Variants in NEB observed in about 807,000 individuals in gnomAD.
The protein encoded by NEB is nemaline myopathy type 2.
NEB carries 512 observed loss-of-function variants against 952.2 expected under a neutral mutation model. The ratio of observed to expected loss-of-function variants is 0.54; its 90% CI spans 0.50 to 0.58. NEB has a LOEUF of 0.58. NEB is among the 20% of genes least tolerant of loss of function. NEB has a pLI of 0.00. For missense variants in NEB, 8,428 were observed against 9,231.1 expected, an observed-to-expected ratio of 0.91 and a Z score of 3.56; for synonymous variants, 2,900 against 3,149.8, an observed-to-expected ratio of 0.92 and a Z score of 2.66.
intron 133 of NEB, 79 bp downstream of exon 133, chr2:151,547,350 C>A: frequency 9.0e-7 from 1 of 1,110,238 alleles, no homozygotes; most frequent in Non-Finnish European, 1.3e-6. Flanking sequence ...TGTTCAAAGA[C>A]CACTGGTTGT....
chr2:151,655,516 C>T (rs1575268574), intron 50 of NEB, 142 bp from the exon 51 acceptor site: 1 of 507,612 alleles, frequency 2.0e-6, no homozygotes, highest in Admixed American at 3.7e-5. Context: ...TCAGAAAAGA[C>T]CCTAAAAACA....
intron 13 of NEB, among the ~76,000 whole-genome samples, chr2:151,706,337 A>ATCTC (rs559330245): frequency 1.3e-5 from 2 of 149,998 alleles, no homozygotes; most frequent in African/African-American, 2.4e-5. Flanking sequence ...CACATATTCA[A>ATCTC]TCTCTCTCTC....
Position 151,724,937 on chromosome 2 carries a change from C to T in NEB, c.427G>A (p.Val143Ile). The change falls in exon 7 of 182, where the codon GTT becomes ATT. Residue 143 changes from valine to isoleucine, a missense_variant. Transcript: ENST00000397345. Reference protein sequence around the residue: ...SEVKYRMDGDVAKTICHVDEK... With the variant: ...SEVKYRMDGDIAKTICHVDEK... ...TCTACGTGACATATAGTCTTAGCAA[C>T]ATCACCATCCATTCGATACTTAACC... is the stretch of plus-strand genomic sequence containing the variant. The T allele has an allele frequency of 1.2e-6, 2 of 1,613,788 alleles. No homozygotes were observed. Among genetic ancestry groups the T allele is most frequent in the Non-Finnish European group, 8.5e-7 (1 of 1,179,796 alleles).
rs2099190491 is a variant in NEB, at chr2:151,664,753, A to G, written c.5343+6T>C. ...CCCCAGCTTTTGCTGTTGTTAACCT[A>G]CTTACATCACTCATGGTGATTTGGT... On this transcript the variant is annotated splice_donor_region_variant and intron_variant, in intron 43 of 181. Transcript: ENST00000397345. 2 of 1,599,728 alleles carry G rather than the reference A, an allele frequency of 1.3e-6. No homozygotes were observed. The highest frequency in any genetic ancestry group is 1.7e-5 in the Admixed American group (1 of 59,374).
chr2:151,542,525 G>T (rs919621096), intron 135 of NEB, among the ~76,000 whole-genome samples: 1 of 152,034 alleles, frequency 6.6e-6, no homozygotes, highest in Non-Finnish European at 1.5e-5. Flanking sequence ...TAAATGACTT[G>T]TTGATATCCC....
At chr2:151,682,924 T>C (rs754642401) in intron 28 of NEB, among the ~76,000 whole-genome samples, 155 bp from the exon 29 acceptor site, 32 of 152,332 alleles carry the variant, frequency 2.1e-4, no homozygotes, top group Non-Finnish European at 4.4e-5. Context: ...TGGTGAGATA[T>C]AGTAACAGCT....
rs1578612901 is a variant in NEB at position 151,591,199 on chromosome 2, TG to T, written c.14934+148del. ...CATAGATGCAAAAGGATCCTCAGAT[TG>T]TAAGAGTTGTTCTTGAATTTAGGAT... On this transcript the variant is annotated intron_variant, in intron 96 of 181. Transcript: ENST00000397345. The T allele has an allele frequency of 2.8e-5, 18 of 632,708 alleles. No homozygotes were observed. The East Asian group carries it at 4.7e-4, about 16-fold the overall frequency. 39.2% of individuals were successfully genotyped at this position (632,708 alleles called of 1,614,324 possible). A position where few individuals can be genotyped will look rare whatever the true frequency, so the allele number is the denominator to read the frequency against.
At chr2:151,724,482 A>T in intron 7 of NEB, 118 bp from the exon 8 acceptor site, 1 of 740,680 alleles carries the variant, frequency 1.4e-6, no homozygotes, top group Non-Finnish European at 2.4e-6. Flanking sequence ...ATGGGTTACT[A>T]GGAAAACATT....
intron 102 of NEB, among the ~76,000 whole-genome samples, chr2:151,581,817 G>T (rs2097108424): frequency 2.2e-5 from 3 of 139,472 alleles, no homozygotes; most frequent in Admixed American, 7.3e-5. Flanking sequence ...AGTTCTTTTT[G>T]GATGTTCTCC....
intron 3 of NEB, 95 bp downstream of exon 3, chr2:151,733,026 G>T: frequency 9.2e-7 from 1 of 1,084,400 alleles, no homozygotes; most frequent in South Asian, 1.5e-5. Flanking sequence ...AGTTATAATA[G>T]ACAATGTATT....
In NEB at chr2:151,662,355, AAAATT is replaced by A. The variant is rs2099158028; in HGVS notation, c.5764-19_5764-15del. On this transcript the variant is annotated splice_polypyrimidine_tract_variant and intron_variant, in intron 45 of 181. Transcript: ENST00000397345. The stretch of plus-strand genomic sequence containing the variant: ...CTTGTACTGATTCTGCAAAAGAGGA[AAAATT>A]AAATTATGAGAAGAAACTGGAACTT... 2 of 1,534,054 alleles carry A rather than the reference AAAATT, an allele frequency of 1.3e-6. No individual in the cohort carries two copies. Among genetic ancestry groups the A allele is most frequent in the Non-Finnish European group, 1.8e-6 (2 of 1,135,898 alleles).
chr2:151,660,553 T>C (rs1414756621), intron 46 of NEB, among the ~76,000 whole-genome samples: 1 of 152,202 alleles, frequency 6.6e-6, no homozygotes, highest in Non-Finnish European at 1.5e-5. Context: ...ATAAATGCTA[T>C]CTCTTTGTTT....
chr2:151,546,271 T>G (rs1415513139), intron 134 of NEB, 74 bp downstream of exon 134: 1 of 1,196,578 alleles, frequency 8.4e-7, no homozygotes, highest in Non-Finnish European at 1.2e-6. Flanking sequence ...CCCTTCTGCC[T>G]AGCCCTGGAG....
chr2:151,568,796 C>A, intron 110 of NEB, 80 bp from the exon 111 acceptor site: 1 of 994,416 alleles, frequency 1.0e-6, no homozygotes. Context: ...AATTTAGAGT[C>A]CTTCTCTACT....
intron 32 of NEB, 86 bp from the exon 33 acceptor site, chr2:151,678,273 C>T: frequency 1.2e-6 from 1 of 826,906 alleles, no homozygotes; most frequent in South Asian, 2.0e-5. Flanking sequence ...AGTAATTGAG[C>T]TTCCCAAAAA....
Position 151,518,517 on chromosome 2 carries a change from G to C in NEB, c.22696-95C>G, listed in dbSNP as rs147799407. On this transcript the variant is annotated intron_variant, in intron 155 of 181. Coordinates refer to ENST00000397345, the MANE Select transcript of NEB (RefSeq NM_001164508.2). ...GATTAGACGTTTACACAGCACCATTGTCAAGATCAAACTAAAAATGGCAAA... is the reference window on the plus strand; with the variant it reads ...GATTAGACGTTTACACAGCACCATTCTCAAGATCAAACTAAAAATGGCAAA... The C allele has an allele frequency of 8.3e-4, 635 of 768,982 alleles. 8 individuals are homozygous for C. In the East Asian group the frequency reaches 0.012, roughly 15 times the overall value. 47.6% of individuals were successfully genotyped at this position (768,982 alleles called of 1,614,324 possible). A position where few individuals can be genotyped will look rare whatever the true frequency, so the allele number is the denominator to read the frequency against.
intron 111 of NEB, 69 bp from the exon 112 acceptor site, chr2:151,568,486 A>C: frequency 1.3e-6 from 2 of 1,483,556 alleles, no homozygotes; most frequent in South Asian, 2.3e-5. Context: ...TGTCCAAGCA[A>C]TTGTTAGCAT....
rs2153660221 is a variant in NEB, at chr2:151,553,906, C to T, written c.19548G>A (p.Leu6516=). The change falls in exon 126 of 182, where the codon CTG becomes CTA. Residue 6516 remains leucine, a synonymous_variant. Coordinates refer to ENST00000397345, the MANE Select transcript of NEB (RefSeq NM_001164508.2). ...GGTGGCAAATCCATTCGTGGAGGCG[C>T]AGGCGGTAATCAATCTCACTGACTT... The part of the protein sequence containing the change: ...QKKVSEIDYR[L]RLHEWICHPD... 1 of 1,613,910 alleles carries T rather than the reference C, an allele frequency of 6.2e-7. No individual in the cohort carries two copies. The highest frequency in any genetic ancestry group is 8.5e-7 in the Non-Finnish European group (1 of 1,179,814).
chr2:151,531,903 T>C lies in NEB; in HGVS notation c.21418-7A>G, dbSNP rs2091295088. ...AGTTTTTCCTGTATTTGATCTAAAT[T>C]GTGGAAGAGAAGAAAGAGCTCTAAG... is the stretch of plus-strand genomic sequence containing the variant. On this transcript the variant is annotated splice_polypyrimidine_tract_variant and splice_region_variant and intron_variant, in intron 143 of 181. Transcript: ENST00000397345. 3.2e-6 allele frequency: 4 copies of C among 1,237,212 alleles called. No homozygotes were observed. The highest frequency in any genetic ancestry group is 2.6e-5 in the South Asian group (2 of 76,998). 76.6% of individuals were successfully genotyped at this position (1,237,212 alleles called of 1,614,324 possible). A position where few individuals can be genotyped will look rare whatever the true frequency, so the allele number is the denominator to read the frequency against.
Sources: gnomAD v4.1 joint callset for allele counts (sites outside exome capture counted in the v4.1 genomes callset) on GRCh38, gnomAD v4.1.1 for gene constraint, MANE v1.5 for transcripts, NCBI Gene and HGNC (gene_info 2026-07-23, HGNC 2026-07-21) for gene names.